Variants in CCNH observed in about 807,000 individuals in gnomAD.
The protein encoded by CCNH is cyclin-H.
CCNH carries 31 observed loss-of-function variants against 41.9 expected under a neutral mutation model. The ratio of observed to expected loss-of-function variants is 0.74; its 90% CI spans 0.56 to 1.00. CCNH has a LOEUF of 1.00. Ranked by LOEUF, CCNH falls within the 50% of genes least tolerant of loss-of-function variation. The probability of loss-of-function intolerance (pLI) is 0.00; values close to 1 mark genes in which losing one functional copy is unlikely to be tolerated. For missense variants in CCNH, 362 were observed against 388.4 expected (o/e 0.93, Z 0.57); for synonymous variants, 138 against 136.1 (o/e 1.01, Z -0.10).
intron 6 of CCNH, among the ~76,000 whole-genome samples, chr5:87,400,631 G>C (rs1172218721): frequency 4.6e-5 from 7 of 152,286 alleles, no homozygotes; most frequent in Non-Finnish European, 8.8e-5. Flanking sequence ...ATGATACATA[G>C]ATGCCCTGAA....
chr5:87,389,370 G>C, downstream of CCNH: 1 of 1,613,256 alleles, frequency 6.2e-7, no homozygotes, highest in Non-Finnish European at 8.5e-7. Context: ...ATTTCTAAAT[G>C]CAATTTTACG....
chr5:87,324,066 C>T (rs912623753), intron 9 of CCNH, among the ~76,000 whole-genome samples: 2 of 152,124 alleles, frequency 1.3e-5, no homozygotes, highest in Non-Finnish European at 2.9e-5. Flanking sequence ...AAATAAGAGA[C>T]AATGTTAGAC....
upstream of CCNH, chr5:87,379,970 G>A (rs181100572): frequency 9.4e-7 from 1 of 1,058,808 alleles, no homozygotes; most frequent in Admixed American, 2.4e-5. Context: ...AAAAAGTCAT[G>A]GTTAATCTTT....
intron 5 of CCNH, 119 bp from the exon 6 acceptor site, chr5:87,401,891 G>A (rs561911546): frequency 1.6e-5 from 9 of 558,206 alleles, no homozygotes; most frequent in African/African-American, 1.5e-4. Context: ...TTAAATTTAT[G>A]AATGTATAAT....
At chr5:87,398,716 C>T (rs1446574842) in intron 7 of CCNH, among the ~76,000 whole-genome samples, 1 of 152,058 alleles carries the variant, frequency 6.6e-6, no homozygotes, top group Non-Finnish European at 1.5e-5. Flanking sequence ...AAGTTTGTCA[C>T]TGAAAGAAGT....
intron 9 of CCNH, chr5:87,331,428 G>A: frequency 6.2e-7 from 1 of 1,613,894 alleles, no homozygotes; most frequent in Non-Finnish European, 8.5e-7. Flanking sequence ...TATCTTATAA[G>A]AGAGAGTGAT....
chr5:87,335,986 A>T (rs1757948793), intron 9 of CCNH, among the ~76,000 whole-genome samples: 1 of 152,178 alleles, frequency 6.6e-6, no homozygotes, highest in Non-Finnish European at 1.5e-5. Flanking sequence ...TTCATAGAAT[A>T]TCTATAATTA....
At chr5:87,392,574 T>C (rs1762600708), downstream of CCNH, 1 of 322,106 alleles carries the variant, frequency 3.1e-6, no homozygotes, top group South Asian at 2.6e-5. Context: ...ACAGGGAGGA[T>C]ATGGATTAGT....
At position 87,337,324 on chromosome 5, in the gene CCNH, C is replaced by G. The variant is rs561759914; in HGVS notation, c.*91-18427G>C. Among the ~76,000 whole-genome samples, 67 of 151,944 alleles carry G rather than the reference C, an allele frequency of 4.4e-4. 1 individual carries two copies. Among genetic ancestry groups the G allele is most frequent in the African/African-American group, 1.5e-3 (64 of 41,496 alleles). On this transcript the variant is annotated intron_variant and NMD_transcript_variant, in intron 9 of 9. Coordinates refer to the CCNH transcript ENST00000645953. ...CATCTCTGTACTCTTAAATTGGTAA[C>G]AGAAAAAAAACATACATTCCTTTCT...
chr5:87,363,600 T>G, intron 9 of CCNH: 1 of 1,382,288 alleles, frequency 7.2e-7, no homozygotes, highest in Non-Finnish European at 1.0e-6. Context: ...AAAATCATCT[T>G]CTAAAAGTAG....
At chr5:87,327,013 G>A (rs1028691442) in intron 9 of CCNH, among the ~76,000 whole-genome samples, 1 of 152,140 alleles carries the variant, frequency 6.6e-6, no homozygotes, top group South Asian at 2.1e-4. Flanking sequence ...TTTTTTTGAA[G>A]AAGTTTATTA....
At chr5:87,374,459 A>ATTTTTTTTTT (rs770426797), downstream of CCNH, 1 of 164,174 alleles carries the variant, frequency 6.1e-6, no homozygotes, top group African/African-American at 3.0e-5. Context: ...ATATATATAT[A>ATTTTTTTTTT]TTTTTTTTTT....
intron 9 of CCNH, among the ~76,000 whole-genome samples, chr5:87,350,082 C>T (rs1030405063): frequency 5.9e-5 from 9 of 151,908 alleles, no homozygotes; most frequent in South Asian, 2.1e-4. Context: ...AGTACCACAG[C>T]AGTATTCTCT....
chr5:87,356,648 C>G (rs1262816166), intron 9 of CCNH, among the ~76,000 whole-genome samples: 1 of 152,142 alleles, frequency 6.6e-6, no homozygotes, highest in Admixed American at 6.5e-5. Flanking sequence ...GCTGGGATTA[C>G]AGTTGTGAGC....
At chr5:87,346,782 C>G in intron 9 of CCNH, 1 of 1,314,254 alleles carries the variant, frequency 7.6e-7, no homozygotes, top group South Asian at 1.2e-5. Flanking sequence ...AAAAAGTGAA[C>G]AAACCATTTA....
intron 9 of CCNH, among the ~76,000 whole-genome samples, chr5:87,354,273 T>G (rs2112434455): frequency 6.6e-6 from 1 of 152,288 alleles, no homozygotes; most frequent in Non-Finnish European, 1.5e-5. Context: ...AAGATAGTTT[T>G]TTTTACAAAT....
At chr5:87,326,521 A>G (rs1295380151) in intron 9 of CCNH, among the ~76,000 whole-genome samples, 1 of 152,206 alleles carries the variant, frequency 6.6e-6, no homozygotes, top group East Asian at 1.9e-4. Flanking sequence ...TCCTCCTGCT[A>G]TTCCTTTTCC....
At chr5:87,333,466 A>G (rs1379937179) in intron 9 of CCNH, 2 of 1,409,392 alleles carry the variant, frequency 1.4e-6, no homozygotes, top group Non-Finnish European at 1.9e-6. Flanking sequence ...AGCTTTTGAT[A>G]TTGGGTCTGT....
intron 9 of CCNH, among the ~76,000 whole-genome samples, chr5:87,330,376 T>C (rs1580277492): frequency 1.3e-5 from 2 of 152,256 alleles, no homozygotes; most frequent in East Asian, 3.9e-4. Context: ...TTGGTAAAGC[T>C]GAAGTACTAT....
Sources: gnomAD v4.1 joint callset for allele counts (sites outside exome capture counted in the v4.1 genomes callset) on GRCh38, gnomAD v4.1.1 for gene constraint, MANE v1.5 for transcripts, NCBI Gene and HGNC (gene_info 2026-07-23, HGNC 2026-07-21) for gene names.